Variants in CNPPD1 observed in about 807,000 individuals in gnomAD.
The protein encoded by CNPPD1 is protein CNPPD1.
A neutral mutation model predicts 43.7 loss-of-function variants in CNPPD1; 40 were observed. That is an observed-to-expected ratio of 0.92 (90% CI 0.71 to 1.19). The LOEUF (loss-of-function observed/expected upper bound fraction) is 1.19. CNPPD1 is among the 50% of genes most tolerant of loss of function. The pLI, the probability that CNPPD1 is intolerant of heterozygous loss-of-function variation, is 0.00. For synonymous variants in CNPPD1, 208 were observed against 214.3 expected, an observed-to-expected ratio of 0.97 and a Z score of 0.26; for missense variants, 511 against 518.5, an observed-to-expected ratio of 0.99 and a Z score of 0.14.
chr2:219,173,274 T>C (rs1008562292), intron 7 of CNPPD1, 76 bp downstream of exon 7: 1 of 1,480,244 alleles, frequency 6.8e-7, no homozygotes, highest in Admixed American at 1.8e-5. Context: ...CCTGGGCTTT[T>C]CAGCAATCAC....
At position 219,172,646 on chromosome 2, in the gene CNPPD1, T is replaced by C. The variant is rs779568915; in HGVS notation, c.1173A>G (p.Gln391=). The C allele has an allele frequency of 1.4e-5, 22 of 1,613,994 alleles. No homozygotes were observed. The highest frequency in any genetic ancestry group is 1.6e-4 in the Middle Eastern group (1 of 6,084). Residue 391 remains glutamine (Q), a synonymous_variant, in exon 8 of 8, where the codon CAA becomes CAG. Coordinates refer to ENST00000360507, the MANE Select transcript of CNPPD1 (RefSeq NM_015680.6). ...PVLLSLPQPQ[Q]CSLFSVMELA... ...GCTCCATGACACTGAAAAGGGAACA[T>C]TGCTGAGGCTGAGGAAGTGAAAGGA...
intron 2 of CNPPD1, among the ~76,000 whole-genome samples, chr2:219,175,913 C>G (rs905811704): frequency 1.3e-5 from 2 of 152,222 alleles, no homozygotes; most frequent in East Asian, 1.9e-4. Flanking sequence ...CCAGATTTAT[C>G]TGTCACTGCT....
rs1950087192 is a variant in CNPPD1, at chr2:219,172,582, C to T, written c.*4G>A. 6.2e-7 allele frequency: 1 copy of T among 1,614,030 alleles called. No individual in the cohort carries two copies. The highest frequency in any genetic ancestry group is 8.5e-7 in the Non-Finnish European group (1 of 1,179,922). On this transcript the variant is annotated 3_prime_UTR_variant, in exon 8 of 8. Transcript: ENST00000360507. Reference sequence around the variant, plus strand: ...CCCTCTTAATGCATTCCTCACAGCCCTACCTAGCCTGGGAAAACGAAAGAC... The same window carrying T: ...CCCTCTTAATGCATTCCTCACAGCCTTACCTAGCCTGGGAAAACGAAAGAC...
chr2:219,174,023 TG>T, intron 6 of CNPPD1, 122 bp downstream of exon 6: 1 of 938,584 alleles, frequency 1.1e-6, no homozygotes, highest in Non-Finnish European at 1.8e-6. Context: ...AACCACTATC[TG>T]GGCAATTCTC....
In CNPPD1 at chr2:219,172,171, C is replaced by G; in HGVS notation, c.*415G>C. 4.2e-6 allele frequency: 1 copy of G among 236,402 alleles called. No homozygotes were observed. Among genetic ancestry groups the G allele is most frequent in the Non-Finnish European group, 8.4e-6 (1 of 119,130 alleles). The allele number at this position is 236,402 out of a possible 1,614,324, so 14.6% of individuals were successfully genotyped here. ...AGCTCCCACCTGAACCCATCAGTCC[C>G]CGGCTCTTCTGCCTCAGGGACATCA... On this transcript the variant is annotated 3_prime_UTR_variant, in exon 8 of 8. Transcript: ENST00000360507.
chr2:219,174,725 G>C (rs1269179114), intron 5 of CNPPD1, 53 bp downstream of exon 5: 3 of 1,529,498 alleles, frequency 2.0e-6, no homozygotes, highest in Non-Finnish European at 2.6e-6. Flanking sequence ...AGGACTAAAG[G>C]ACGGTTAAAG....
rs1950157743 is a variant in CNPPD1, at chr2:219,176,274, A to T, written c.127T>A (p.Trp43Arg). The T allele has an allele frequency of 6.2e-7, 1 of 1,614,062 alleles. No individual in the cohort carries two copies. The highest frequency in any genetic ancestry group is 8.5e-7 in the Non-Finnish European group (1 of 1,180,034). Residue 43 changes from tryptophan to arginine, a missense_variant, in exon 2 of 8, where the codon TGG becomes AGG. Coordinates refer to ENST00000360507, the MANE Select transcript of CNPPD1 (RefSeq NM_015680.6). Reference sequence around the variant, plus strand: ...AGGCTACAGTCGGCTTCCCAGTCCCAGCCATAGTAGAGCCTCCTTCGGATC... The same window carrying T: ...AGGCTACAGTCGGCTTCCCAGTCCCTGCCATAGTAGAGCCTCCTTCGGATC... ...ARIRRRLYYG[W>R]DWEADCSLEE...
chr2:219,172,987 G>A lies in CNPPD1; in HGVS notation c.832C>T (p.Leu278=), dbSNP rs920810687. Residue 278 remains leucine (L), a synonymous_variant, in exon 8 of 8, where the codon CTG becomes TTG. Coordinates refer to ENST00000360507, the MANE Select transcript of CNPPD1 (RefSeq NM_015680.6). Reference sequence around the variant, plus strand: ...GGCACAGAAGGTATGCAGGGCTCCAGGAGGCAACGGGAGGTCAGTCCAAGG... The same window carrying A: ...GGCACAGAAGGTATGCAGGGCTCCAAGAGGCAACGGGAGGTCAGTCCAAGG... ...PDLGLTSRCL[L]EPCIPSVPQC... is the part of the protein sequence containing the mutation. 6.2e-7 allele frequency: 1 copy of A among 1,613,922 alleles called. No individual in the cohort carries two copies. Among genetic ancestry groups the A allele is most frequent in the Non-Finnish European group, 8.5e-7 (1 of 1,179,988 alleles).
intron 2 of CNPPD1, 94 bp downstream of exon 2, chr2:219,176,127 CAG>C: frequency 2.4e-6 from 2 of 850,852 alleles, no homozygotes; most frequent in Middle Eastern, 2.3e-4. Flanking sequence ...AATGAAGAGA[CAG>C]TGTAGCCACG....
chr2:219,175,155 T>C (rs1471461420), intron 3 of CNPPD1, 47 bp from the exon 4 acceptor site: 1 of 1,527,346 alleles, frequency 6.5e-7, no homozygotes, highest in South Asian at 1.3e-5. Context: ...GTCCTTCAGC[T>C]CTTGCAAGTC....
chr2:219,176,221 A>T lies in CNPPD1; in HGVS notation c.178+2T>A. 6.2e-7 allele frequency: 1 copy of T among 1,608,686 alleles called. No homozygotes were observed. Among genetic ancestry groups the T allele is most frequent in the Non-Finnish European group, 8.5e-7 (1 of 1,175,114 alleles). On this transcript the variant is annotated splice_donor_variant, in intron 2 of 7. Transcript: ENST00000360507. LOFTEE classifies it high-confidence loss of function. ...TTGTCCAGTCACACAACACTGCCTA[A>T]CCTGCCACCGGGCTGGAGAGCTCCT...
upstream of CNPPD1, chr2:219,178,074 A>C: frequency 4.9e-6 from 1 of 204,144 alleles, no homozygotes; most frequent in Non-Finnish European, 9.7e-6. Context: ...GCCTGGACCT[A>C]GACCCGGACT....
At chr2:219,175,156 C>T (rs770882396) in intron 3 of CNPPD1, 48 bp from the exon 4 acceptor site, 6 of 1,527,560 alleles carry the variant, frequency 3.9e-6, no homozygotes, top group African/African-American at 1.4e-5. Context: ...TCCTTCAGCT[C>T]TTGCAAGTCT....
upstream of CNPPD1, chr2:219,177,722 A>T (rs2106392272): frequency 6.6e-6 from 1 of 152,310 alleles, no homozygotes; most frequent in East Asian, 1.9e-4. Context: ...CTCATGCTTG[A>T]GTAGGCCGAG....
At chr2:219,177,795 T>C (rs1243276261), upstream of CNPPD1, 1 of 152,216 alleles carries the variant, frequency 6.6e-6, no homozygotes, top group African/African-American at 2.4e-5. Flanking sequence ...GAAACAACTT[T>C]TCTGAGTAGA....
chr2:219,174,712 C>T (rs1273594775), intron 5 of CNPPD1, 66 bp downstream of exon 5: 4 of 1,518,498 alleles, frequency 2.6e-6, no homozygotes, highest in Admixed American at 2.2e-5. Flanking sequence ...TGAGAGAGAA[C>T]AAAGGACTAA....
chr2:219,174,340 G>A, intron 5 of CNPPD1, 133 bp from the exon 6 acceptor site: 1 of 871,074 alleles, frequency 1.1e-6, no homozygotes, highest in African/African-American at 1.6e-5. Context: ...GCCAGATACT[G>A]TCTCAAAAGT....
chr2:219,175,169 T>TA, intron 3 of CNPPD1, 61 bp from the exon 4 acceptor site: 1 of 1,515,654 alleles, frequency 6.6e-7, no homozygotes, highest in Non-Finnish European at 8.8e-7. Flanking sequence ...GCAAGTCTTA[T>TA]GATGCTCGTT....
Position 219,175,613 on chromosome 2 carries a change from T to G in CNPPD1, c.238A>C (p.Lys80Gln), listed in dbSNP as rs752795708. 1 of 1,614,014 alleles carries G rather than the reference T, an allele frequency of 6.2e-7. No homozygotes were observed. The highest frequency in any genetic ancestry group is 2.2e-5 in the East Asian group (1 of 44,888). Residue 80 changes from lysine to glutamine, a missense_variant, in exon 3 of 8, where the codon AAA (lysine) becomes CAA (glutamine). Transcript: ENST00000360507. ...APSPIRRLQK[K>Q]YVAHVSREAC... ...CACCGGGACACATGAGCTACATATT[T>G]CTTCTGGAGTCGGCGAATAGGGCTG...
Sources: allele counts gnomAD v4.1 joint callset (sites outside exome capture counted in the v4.1 genomes callset), GRCh38; gene constraint gnomAD v4.1.1; transcripts MANE v1.5; gene names NCBI Gene and HGNC (gene_info 2026-07-23, HGNC 2026-07-21).